DISP1: variants seen among roughly 807,000 people sequenced by gnomAD.
DISP1 encodes the protein protein dispatched homolog 1.
DISP1 carries 30 observed loss-of-function variants against 37.3 expected under a neutral mutation model. The ratio of observed to expected loss-of-function variants is 0.80; its 90% confidence interval spans 0.60 to 1.09. DISP1 has a LOEUF of 1.09. DISP1 is among the 50% of genes least tolerant of loss of function. The pLI is 0.00. For missense variants in DISP1, 1,598 were observed against 1,879.5 expected (o/e 0.85, Z 2.77); for synonymous variants, 634 against 690.2 (o/e 0.92, Z 1.28).
Position 222,821,569 on chromosome 1 carries a change from T to C in DISP1, c.-159+6491T>C, listed in dbSNP as rs372212704. 3.3e-4 allele frequency among the ~76,000 whole-genome samples: 50 copies of C among 152,202 alleles called. 1 individual carries two copies. In the South Asian group the frequency reaches 0.01, roughly 32 times the overall value. ...GTGATAGTGAAGTTCTCATGAGATCTGATGGTTTAAAAGTGGCAGTTTTCG... is the reference window on the plus strand; with the variant it reads ...GTGATAGTGAAGTTCTCATGAGATCCGATGGTTTAAAAGTGGCAGTTTTCG... On this transcript the variant is annotated intron_variant, in intron 1 of 8. Coordinates refer to ENST00000675850, the MANE Select transcript of DISP1 (RefSeq NM_001377229.1).
At chr1:222,815,676 A>G (rs944542050) in intron 1 of DISP1, among the ~76,000 whole-genome samples, 2 of 152,202 alleles carry the variant, frequency 1.3e-5, no homozygotes, top group African/African-American at 4.8e-5. Flanking sequence ...GTATATTCCT[A>G]GGGACCGCTC....
intron 1 of DISP1, among the ~76,000 whole-genome samples, chr1:222,836,742 AATAT>A (rs67076863): frequency 3.7e-4 from 53 of 144,516 alleles, no homozygotes; most frequent in South Asian, 1.5e-3. Flanking sequence ...AATTAAAAAG[AATAT>A]ATATATATAT....
intron 3 of DISP1, among the ~76,000 whole-genome samples, chr1:222,977,795 T>C (rs1271793776): frequency 6.6e-6 from 1 of 152,166 alleles, no homozygotes; most frequent in Non-Finnish European, 1.5e-5. Context: ...GTTTGGTTTT[T>C]TGTCCTTGCG....
intron 7 of DISP1, among the ~76,000 whole-genome samples, chr1:222,994,222 C>T (rs1356697572): frequency 6.6e-6 from 1 of 152,152 alleles, no homozygotes; most frequent in South Asian, 2.1e-4. Flanking sequence ...GGTCACGTAG[C>T]TAGTAAATGA....
chr1:222,861,719 C>T lies in DISP1; in HGVS notation c.-159+46641C>T, dbSNP rs957912077. Among the ~76,000 whole-genome samples, 5 of 152,294 alleles carry T rather than the reference C, an allele frequency of 3.3e-5. No homozygotes were observed. The East Asian group carries it at 9.6e-4, about 29-fold the overall frequency. ...CAAAACACCACAATAAATTATTAAA[C>T]TTGCATTTAAAAATAATATGTAACA... On this transcript the variant is annotated intron_variant, in intron 1 of 8. Transcript: ENST00000675850.
chr1:222,931,414 T>C (rs2125458105), intron 2 of DISP1, among the ~76,000 whole-genome samples: 1 of 152,102 alleles, frequency 6.6e-6, no homozygotes, highest in East Asian at 1.9e-4. Context: ...AATATGATCC[T>C]GTTTCTACTG....
chr1:222,817,494 C>G (rs1661537580), intron 1 of DISP1, among the ~76,000 whole-genome samples: 1 of 152,192 alleles, frequency 6.6e-6, no homozygotes, highest in Non-Finnish European at 1.5e-5. Context: ...TCGGCATACT[C>G]TAGTTAGAAA....
intron 1 of DISP1, among the ~76,000 whole-genome samples, chr1:222,916,900 G>A (rs1332465996): frequency 6.6e-6 from 1 of 152,194 alleles, no homozygotes; most frequent in Non-Finnish European, 1.5e-5. Flanking sequence ...GAGGTTATAA[G>A]AGTAAACAGC....
In DISP1 at chr1:222,893,902, A is replaced by T. The variant is rs961459000; in HGVS notation, c.-158-34528A>T. Among the ~76,000 whole-genome samples, 1 of 152,222 alleles carries T rather than the reference A, an allele frequency of 6.6e-6. No homozygotes were observed. Among genetic ancestry groups the T allele is most frequent in the African/African-American group, 2.4e-5 (1 of 41,450 alleles). On this transcript the variant is annotated intron_variant, in intron 1 of 8. Transcript: ENST00000675850. The surrounding 1 kb of genome is among the most constrained non-coding windows in gnomAD (Gnocchi z 4.3). ...CCCGTGTCCAGGAATAATGAGGTACATGGACAACTGGAGTGTGAGCAAGGT... is the reference window on the plus strand; with the variant it reads ...CCCGTGTCCAGGAATAATGAGGTACTTGGACAACTGGAGTGTGAGCAAGGT...
chr1:222,844,676 C>T (rs1667799010), intron 1 of DISP1, among the ~76,000 whole-genome samples: 1 of 152,032 alleles, frequency 6.6e-6, no homozygotes, highest in Non-Finnish European at 1.5e-5. Flanking sequence ...AGCCAATTTT[C>T]AAAGCTGTTT....
chr1:223,004,921 C>T lies in DISP1; in HGVS notation c.3524C>T (p.Ala1175Val), dbSNP rs1196374759. 1.2e-6 allele frequency: 2 copies of T among 1,611,684 alleles called. No homozygotes were observed. Among genetic ancestry groups the T allele is most frequent in the Non-Finnish European group, 1.7e-6 (2 of 1,180,008 alleles). Residue 1175 changes from alanine to valine, a missense_variant, in exon 9 of 9, where the codon GCT (alanine) becomes GTT (valine). By Grantham distance (64) the Ala-to-Val change is moderately conservative (BLOSUM62 0). Coordinates refer to ENST00000675850, the MANE Select transcript of DISP1 (RefSeq NM_001377229.1). This position sits in a 1 kb window ranked among gnomAD's most constrained non-coding sequence, Gnocchi z 4.9. ...CAAAGCAAAACACATACCATAAATG[C>T]TTATCATTTAGATCCCAGGGGCCCA... ...KGQSKTHTIN[A>V]YHLDPRGPKS...
At chr1:222,947,245 T>G (rs757244844) in intron 3 of DISP1, among the ~76,000 whole-genome samples, 2 of 152,194 alleles carry the variant, frequency 1.3e-5, no homozygotes, top group Non-Finnish European at 1.5e-5. Flanking sequence ...ATACCTCAAA[T>G]AAGTTGAATC....
intron 3 of DISP1, among the ~76,000 whole-genome samples, chr1:222,947,550 T>G (rs536078416): frequency 2.2e-4 from 33 of 152,336 alleles, no homozygotes; most frequent in Non-Finnish European, 3.7e-4. Flanking sequence ...CTTTCAGTTC[T>G]TTTGGGTATA....
At chr1:222,917,233 A>G (rs1672543267) in intron 1 of DISP1, among the ~76,000 whole-genome samples, 1 of 133,366 alleles carries the variant, frequency 7.5e-6, no homozygotes, top group Non-Finnish European at 1.6e-5. Flanking sequence ...TCATTTCTGC[A>G]TTTGTCCCCC....
chr1:222,925,015 C>G (rs1225498801), intron 1 of DISP1, among the ~76,000 whole-genome samples: 1 of 152,060 alleles, frequency 6.6e-6, no homozygotes, highest in Non-Finnish European at 1.5e-5. Flanking sequence ...AATATTAGAA[C>G]ATCGTAAGGT....
intron 2 of DISP1, among the ~76,000 whole-genome samples, chr1:222,933,279 A>G (rs1299328387): frequency 1.3e-5 from 2 of 151,980 alleles, no homozygotes; most frequent in East Asian, 3.8e-4. Context: ...ATATTGAAAC[A>G]AAACATTTAC....
At chr1:222,994,004 A>C (rs1678881724) in intron 7 of DISP1, among the ~76,000 whole-genome samples, 1 of 152,204 alleles carries the variant, frequency 6.6e-6, no homozygotes, top group South Asian at 2.1e-4. Context: ...TAGACATTTT[A>C]ACTATCATAA....
chr1:222,843,083 A>C (rs1228516939), intron 1 of DISP1, among the ~76,000 whole-genome samples: 1 of 152,054 alleles, frequency 6.6e-6, no homozygotes, highest in Non-Finnish European at 1.5e-5. Context: ...CACATTACTT[A>C]CCGAGGACTT....
At position 222,906,090 on chromosome 1, in the gene DISP1, T is replaced by C. The variant is rs537876159; in HGVS notation, c.-158-22340T>C. 3.9e-5 allele frequency among the ~76,000 whole-genome samples: 6 copies of C among 152,268 alleles called. No homozygotes were observed. The South Asian group carries it at 1.0e-3, about 26-fold the overall frequency. ...TATTTTAGTTTCCTTCTACCGAGCA[T>C]CAACTTTTAATTACCAGCAGTTACT... On this transcript the variant is annotated intron_variant, in intron 1 of 8. Coordinates refer to ENST00000675850, the MANE Select transcript of DISP1 (RefSeq NM_001377229.1).
Sources: gnomAD v4.1 joint callset for allele counts (sites outside exome capture counted in the v4.1 genomes callset) on GRCh38, gnomAD v4.1.1 for gene constraint, Gnocchi (gnomAD v3.1) non-coding constraint, MANE v1.5 for transcripts, NCBI Gene and HGNC (gene_info 2026-07-23, HGNC 2026-07-21) for gene names.